Variants in LYPLAL1 observed in about 807,000 individuals in gnomAD.
The protein encoded by LYPLAL1 is lysophospholipase-like protein 1.
A neutral mutation model predicts 19.7 loss-of-function variants in LYPLAL1; 23 were observed. The observed-to-expected ratio is 1.17, with a 90% CI of 0.84 to 1.65. The LOEUF (loss-of-function observed/expected upper bound fraction) is 1.65, where lower values mean the gene tolerates loss of function less well. LYPLAL1 is among the 40% of genes most tolerant of loss of function. The pLI is 0.00. For synonymous variants in LYPLAL1, 119 were observed against 96.3 expected (o/e 1.24, Z -1.38); for missense variants, 355 against 279.4 (o/e 1.27, Z -1.93).
chr1:219,387,373 C>CTTTAATTAAAGAAATTAAA, the LYPLAL1 span, among the ~76,000 whole-genome samples: 9 of 152,222 alleles, frequency 5.9e-5, no homozygotes, highest in Admixed American at 5.9e-4. Context: ...AGACTCTTGC[C>CTTTAATTAAAGAAATTAAA]CAGAGAGGAA....
chr1:219,442,089 C>A, the LYPLAL1 span, among the ~76,000 whole-genome samples: 2 of 152,120 alleles, frequency 1.3e-5, no homozygotes, highest in African/African-American at 4.8e-5. Flanking sequence ...ACCATTCTCC[C>A]AAGATTGCTT....
At chr1:219,330,104 AG>A in the LYPLAL1 span, among the ~76,000 whole-genome samples, 14 of 152,184 alleles carry the variant, frequency 9.2e-5, no homozygotes, top group East Asian at 3.9e-4. Flanking sequence ...CAGTCATGTG[AG>A]GAGTAATCAT....
chr1:219,282,632 A>G, the LYPLAL1 span, among the ~76,000 whole-genome samples: 4 of 152,168 alleles, frequency 2.6e-5, no homozygotes, highest in African/African-American at 9.7e-5. Flanking sequence ...AATGGTCTTG[A>G]ATTTCTTAAC....
the LYPLAL1 span, among the ~76,000 whole-genome samples, chr1:219,445,451 G>GT: frequency 6.6e-6 from 1 of 150,760 alleles, no homozygotes; most frequent in African/African-American, 2.4e-5. Context: ...GACTGCAGTT[G>GT]TAAGAGAAAA....
chr1:219,315,735 A>T, the LYPLAL1 span, among the ~76,000 whole-genome samples: 15 of 152,316 alleles, frequency 9.8e-5, no homozygotes, highest in South Asian at 3.1e-3. Flanking sequence ...TATAAATACT[A>T]CAAAAATATC....
At chr1:219,302,346 T>C in the LYPLAL1 span, among the ~76,000 whole-genome samples, 2 of 152,222 alleles carry the variant, frequency 1.3e-5, no homozygotes, top group Admixed American at 1.3e-4. Context: ...TCTTATAGTA[T>C]AGAATACCAC....
the LYPLAL1 span, among the ~76,000 whole-genome samples, chr1:219,415,100 C>A: frequency 6.6e-6 from 1 of 152,160 alleles, no homozygotes; most frequent in South Asian, 2.1e-4. Flanking sequence ...GCCTTCTCAC[C>A]AGCAACATCA....
the LYPLAL1 span, among the ~76,000 whole-genome samples, chr1:219,387,276 T>C: frequency 6.6e-6 from 1 of 152,212 alleles, no homozygotes; most frequent in Admixed American, 6.5e-5. Flanking sequence ...TAAGTCTCAT[T>C]TTTGTTAAAA....
chr1:219,364,008 C>T, the LYPLAL1 span, among the ~76,000 whole-genome samples: 3 of 152,058 alleles, frequency 2.0e-5, no homozygotes, highest in Non-Finnish European at 4.4e-5. Context: ...AAAGTTCTCC[C>T]ACTTAAAAAA....
At chr1:219,366,280 G>C in the LYPLAL1 span, among the ~76,000 whole-genome samples, 1 of 152,100 alleles carries the variant, frequency 6.6e-6, no homozygotes, top group African/African-American at 2.4e-5. Flanking sequence ...AGAGAAATAA[G>C]TCTAACATTA....
the LYPLAL1 span, among the ~76,000 whole-genome samples, chr1:219,251,651 A>G: frequency 1.1e-4 from 16 of 151,984 alleles, no homozygotes; most frequent in South Asian, 2.1e-4. Flanking sequence ...CTCTTTTTGT[A>G]TCAGTACCAT....
At chr1:219,188,677 T>C (rs1656914791) in intron 2 of LYPLAL1, among the ~76,000 whole-genome samples, 1 of 52,752 alleles carries the variant, frequency 1.9e-5, no homozygotes, top group East Asian at 6.6e-4. Context: ...AAGCTGAATG[T>C]CAACTTTTTT....
chr1:219,345,274 C>G, the LYPLAL1 span, among the ~76,000 whole-genome samples: 25 of 152,256 alleles, frequency 1.6e-4, no homozygotes, highest in African/African-American at 5.1e-4. Context: ...TTTTTCTCCA[C>G]AGTAACCATA....
chr1:219,364,692 TAAAG>T, the LYPLAL1 span, among the ~76,000 whole-genome samples: 20 of 152,248 alleles, frequency 1.3e-4, no homozygotes, highest in East Asian at 2.3e-3. Flanking sequence ...TTAAATAAAA[TAAAG>T]AAATATATCA....
chr1:219,340,368 G>A, the LYPLAL1 span, among the ~76,000 whole-genome samples: 1 of 151,974 alleles, frequency 6.6e-6, no homozygotes, highest in African/African-American at 2.4e-5. Flanking sequence ...AAGCTACCTA[G>A]ATCTCGCTTC....
At chr1:219,398,535 T>C in the LYPLAL1 span, among the ~76,000 whole-genome samples, 1 of 152,194 alleles carries the variant, frequency 6.6e-6, no homozygotes, top group Non-Finnish European at 1.5e-5. Flanking sequence ...CCTATCCATA[T>C]TCTGAATTCT....
chr1:219,269,786 ACATAT>A, the LYPLAL1 span, among the ~76,000 whole-genome samples: 4 of 152,328 alleles, frequency 2.6e-5, no homozygotes, highest in South Asian at 2.1e-4. Context: ...ATAATTATAA[ACATAT>A]CATACTATGA....
chr1:219,440,020 C>CATAT, the LYPLAL1 span, among the ~76,000 whole-genome samples: 5 of 90,672 alleles, frequency 5.5e-5, no homozygotes, highest in Admixed American at 1.1e-4. Context: ...TATACACACA[C>CATAT]ACACATATAT....
the LYPLAL1 span, among the ~76,000 whole-genome samples, chr1:219,275,286 G>A: frequency 3.4e-3 from 513 of 152,252 alleles, 1 homozygote; most frequent in African/African-American, 0.012. Context: ...ATTTCCTTGT[G>A]TACCGCCTAA....
Sources: gnomAD v4.1 joint callset for allele counts (sites outside exome capture counted in the v4.1 genomes callset) on GRCh38, gnomAD v4.1.1 for gene constraint, MANE v1.5 for transcripts, NCBI Gene and HGNC (gene_info 2026-07-23, HGNC 2026-07-21) for gene names.